Variants in FANCE observed in about 807,000 individuals in gnomAD.
The protein encoded by FANCE is FA complementation group E.
Under a neutral mutation model 57.8 loss-of-function variants are expected in FANCE, and 42 were observed. That is an observed-to-expected ratio of 0.73 (90% confidence interval 0.57 to 0.94). FANCE has a LOEUF of 0.94. Ranked by LOEUF, FANCE falls within the 40% of genes least tolerant of loss-of-function variation. The pLI, the probability that FANCE is intolerant of heterozygous loss-of-function variation, is 0.00. For missense variants in FANCE, 608 were observed against 661.8 expected, an observed-to-expected ratio of 0.92 and a Z score of 0.89; for synonymous variants, 251 against 286.4, an observed-to-expected ratio of 0.88 and a Z score of 1.25.
Position 35,466,865 on chromosome 6 carries a change from C to A in FANCE, c.*520C>A. On this transcript the variant is annotated 3_prime_UTR_variant, in exon 10 of 10. Transcript: ENST00000229769. ...ACCACACCAGGCCAGAGCTATATTT[C>A]CAAAGGCTGCTGGCCCCAGGCACAC... The A allele has an allele frequency of 4.1e-6, 1 of 241,960 alleles. No individual in the cohort carries two copies. Among genetic ancestry groups the A allele is most frequent in the Non-Finnish European group, 8.1e-6 (1 of 123,230 alleles). 15.0% of individuals were successfully genotyped at this position (241,960 alleles called of 1,614,324 possible). A position where few individuals can be genotyped will look rare whatever the true frequency, so the allele number is the denominator to read the frequency against.
At position 35,452,441 on chromosome 6, in the gene FANCE, CG is replaced by C; in HGVS notation, c.-104del. On this transcript the variant is annotated 5_prime_UTR_variant, in exon 1 of 10. Transcript: ENST00000229769. ...CTTGTAACAGGCGCTGGAGCTGGCC[CG>C]CCACCGCCGCGTCAGGGACGGCGCT... is the stretch of plus-strand genomic sequence containing the variant. 8.8e-7 allele frequency: 1 copy of C among 1,136,564 alleles called. No individual in the cohort carries two copies. Among genetic ancestry groups the C allele is most frequent in the Non-Finnish European group, 1.1e-6 (1 of 910,258 alleles). The allele number at this position is 1,136,564 out of a possible 1,614,324, so 70.4% of individuals were successfully genotyped here. A position where few individuals can be genotyped will look rare whatever the true frequency, so the allele number is the denominator to read the frequency against.
At chr6:35,464,062 G>A (rs6927367) in intron 9 of FANCE, among the ~76,000 whole-genome samples, 21,839 of 151,984 alleles carry the variant, frequency 0.14, 2,921 homozygotes, top group African/African-American at 0.36. Context: ...TGTCTGAGGG[G>A]ATCTGCAAGT....
At position 35,466,310 on chromosome 6, in the gene FANCE, T is replaced by C. The variant is rs752561657; in HGVS notation, c.1576T>C (p.Ser526Pro). 3 of 1,613,882 alleles carry C rather than the reference T, an allele frequency of 1.9e-6. No individual in the cohort carries two copies. Among genetic ancestry groups the C allele is most frequent in the Non-Finnish European group, 2.5e-6 (3 of 1,179,810 alleles). The change falls in exon 10 of 10, where the codon TCC becomes CCC. Residue 526 changes from serine (S) to proline (P), a missense_variant. Physicochemically the swap from Ser to Pro is moderately conservative, Grantham distance 74. Coordinates refer to ENST00000229769, the MANE Select transcript of FANCE (RefSeq NM_021922.3). The stretch of plus-strand genomic sequence containing the variant: ...ACCTAACACCACCTTCCTGAGGAAG[T>C]CCCTGAAGGCCGCCTTGAAACATTT... ...LEPNTTFLRKSLKAALKHLGP is the reference protein window; with the variant it reads ...LEPNTTFLRKPLKAALKHLGP
At chr6:35,458,581 A>T (rs1767449204) in intron 5 of FANCE, 141 bp downstream of exon 5, 1 of 1,014,094 alleles carries the variant, frequency 9.9e-7, no homozygotes, top group Non-Finnish European at 1.5e-6. Flanking sequence ...CAAGGAAAGG[A>T]TGCCTGCTTA....
Position 35,459,662 on chromosome 6 carries a change from T to G in FANCE, c.1238-20T>G. 1.2e-6 allele frequency: 2 copies of G among 1,613,380 alleles called. No homozygotes were observed. The highest frequency in any genetic ancestry group is 1.7e-6 in the Non-Finnish European group (2 of 1,179,300). ...CTGCCATTTCCCCCCAGACTTCCCC[T>G]TCTGCTGTCCTCTACCCAGGTCCTG... On this transcript the variant is annotated intron_variant, in intron 6 of 9. Coordinates refer to ENST00000229769, the MANE Select transcript of FANCE (RefSeq NM_021922.3).
intron 3 of FANCE, 36 bp from the exon 4 acceptor site, chr6:35,457,880 G>T (rs749922900): frequency 3.8e-6 from 6 of 1,588,120 alleles, no homozygotes; most frequent in Middle Eastern, 1.7e-4. Flanking sequence ...GTCACTGAGG[G>T]CTCTGCCAGC....
rs763822889 is a variant in FANCE, at chr6:35,457,626, T to C, written c.900+26T>C. ...GTGACTGGCCCCACAGTGCTCACCATAGCCTTTCTTCCATCTTCTACCCAG... is the reference window on the plus strand; with the variant it reads ...GTGACTGGCCCCACAGTGCTCACCACAGCCTTTCTTCCATCTTCTACCCAG... On this transcript the variant is annotated intron_variant, in intron 3 of 9. Coordinates refer to ENST00000229769, the MANE Select transcript of FANCE (RefSeq NM_021922.3). The C allele has an allele frequency of 1.9e-6, 3 of 1,612,942 alleles. No homozygotes were observed. The South Asian group carries it at 3.3e-5, about 18-fold the overall frequency.
intron 6 of FANCE, 87 bp downstream of exon 6, chr6:35,459,541 G>A (rs1008444419): frequency 1.4e-5 from 23 of 1,605,078 alleles, no homozygotes; most frequent in Non-Finnish European, 2.0e-5. Context: ...GGCAGGAGTT[G>A]GGTATTCAGT....
In FANCE at chr6:35,466,430, CT is replaced by C; in HGVS notation, c.*86del. ...TTTCTTCACCACCTTGTCTTGAGCC[CT>C]AGCCTGAGGATAAAGGCTGAGCCTG... On this transcript the variant is annotated 3_prime_UTR_variant, in exon 10 of 10. Coordinates refer to ENST00000229769, the MANE Select transcript of FANCE (RefSeq NM_021922.3). 1 of 921,298 alleles carries C rather than the reference CT, an allele frequency of 1.1e-6. No homozygotes were observed. The highest frequency in any genetic ancestry group is 1.6e-5 in the African/African-American group (1 of 61,758). 57.1% of individuals were successfully genotyped at this position (921,298 alleles called of 1,614,324 possible).
At chr6:35,458,586 T>C in intron 5 of FANCE, 146 bp downstream of exon 5, 4 of 994,022 alleles carry the variant, frequency 4.0e-6, no homozygotes, top group South Asian at 3.9e-5. Context: ...AAAGGATGCC[T>C]GCTTAACTGG....
At chr6:35,461,453 C>T (rs756971930) in intron 8 of FANCE, among the ~76,000 whole-genome samples, 1 of 152,202 alleles carries the variant, frequency 6.6e-6, no homozygotes, top group African/African-American at 2.4e-5. Flanking sequence ...AATCCGCCCC[C>T]CTCCAGAGAT....
rs1376629458 is a variant in FANCE at position 35,458,279 on chromosome 6, C to A, written c.970-18C>A. 2 of 1,613,028 alleles carry A rather than the reference C, an allele frequency of 1.2e-6. No individual in the cohort carries two copies. Among genetic ancestry groups the A allele is most frequent in the Non-Finnish European group, 1.7e-6 (2 of 1,180,004 alleles). On this transcript the variant is annotated intron_variant, in intron 4 of 9. Transcript: ENST00000229769. ...TGCATGTCCCGGTGTCCTCTCTCCC[C>A]CCGCACTCTGTAAGCAGATGGACTT...
intron 7 of FANCE, 78 bp from the exon 8 acceptor site, chr6:35,460,474 T>G: frequency 2.9e-6 from 4 of 1,389,452 alleles, no homozygotes; most frequent in Non-Finnish European, 4.1e-6. Flanking sequence ...TGCCCTGCTG[T>G]GGGAGTTGGA....
intron 1 of FANCE, among the ~76,000 whole-genome samples, chr6:35,454,124 C>T (rs938749069): frequency 6.6e-6 from 1 of 151,354 alleles, no homozygotes; most frequent in Non-Finnish European, 1.5e-5. Flanking sequence ...AGTGCAGTGG[C>T]GCAATCTTGG....
chr6:35,463,067 G>A (rs183371155), intron 9 of FANCE, among the ~76,000 whole-genome samples, 153 bp downstream of exon 9: 11 of 152,220 alleles, frequency 7.2e-5, no homozygotes, highest in Non-Finnish European at 1.2e-4. Context: ...TTGGGAGGCC[G>A]AGGCAGGCGG....
At chr6:35,465,194 GAC>G (rs372979821) in intron 9 of FANCE, among the ~76,000 whole-genome samples, 186 of 151,668 alleles carry the variant, frequency 1.2e-3, no homozygotes, top group African/African-American at 4.3e-3. Flanking sequence ...TGTTTTGAGA[GAC>G]AGAGTCTTGG....
intron 4 of FANCE, 152 bp downstream of exon 4, chr6:35,458,136 C>T: frequency 8.1e-7 from 1 of 1,233,418 alleles, no homozygotes; most frequent in South Asian, 1.2e-5. Context: ...TGTGTAGTAT[C>T]TTTTAGCCCT....
intron 7 of FANCE, among the ~76,000 whole-genome samples, chr6:35,460,251 G>A (rs1767533323): frequency 6.6e-6 from 1 of 152,130 alleles, no homozygotes; most frequent in Admixed American, 6.5e-5. Context: ...GAGTAGTTGG[G>A]ATTACAGGAC....
In FANCE at chr6:35,455,738, G is replaced by T; in HGVS notation, c.249-9G>T. ...ACACTTAACTGCTTGCTCTCCCTCTGCTACCCAGGAAACCACTGTTGCTGC... is the reference window on the plus strand; with the variant it reads ...ACACTTAACTGCTTGCTCTCCCTCTTCTACCCAGGAAACCACTGTTGCTGC... On this transcript the variant is annotated splice_polypyrimidine_tract_variant and intron_variant, in intron 1 of 9. Coordinates refer to ENST00000229769, the MANE Select transcript of FANCE (RefSeq NM_021922.3). 1 of 1,613,580 alleles carries T rather than the reference G, an allele frequency of 6.2e-7. No individual in the cohort carries two copies.
Sources: allele counts gnomAD v4.1 joint callset (sites outside exome capture counted in the v4.1 genomes callset), GRCh38; gene constraint gnomAD v4.1.1; transcripts MANE v1.5; gene names NCBI Gene and HGNC (gene_info 2026-07-23, HGNC 2026-07-21).